Variants in CYFIP2 observed in about 807,000 individuals in gnomAD.
CYFIP2 encodes the protein cytoplasmic FMR1-interacting protein 2.
CYFIP2 carries 29 observed loss-of-function variants against 158.7 expected under a neutral mutation model. That is an observed-to-expected ratio of 0.18 (90% CI 0.14 to 0.25). The LOEUF is 0.25. Among genes scored for constraint, CYFIP2 ranks in the 10% least tolerant of loss-of-function variants. CYFIP2 has a pLI of 1.00. For synonymous variants in CYFIP2, 585 were observed against 617.6 expected (o/e 0.95, Z 0.78); for missense variants, 852 against 1,639.5 (o/e 0.52, Z 8.29).
At chr5:157,321,204 A>G (rs1760565500) in intron 15 of CYFIP2, among the ~76,000 whole-genome samples, 1 of 152,212 alleles carries the variant, frequency 6.6e-6, no homozygotes, top group African/African-American at 2.4e-5. Context: ...CCCCTCTTTA[A>G]TAAGTCCTGG....
At chr5:157,343,706 G>A (rs1027891529) in intron 23 of CYFIP2, among the ~76,000 whole-genome samples, 2 of 152,070 alleles carry the variant, frequency 1.3e-5, no homozygotes, top group African/African-American at 2.4e-5. Flanking sequence ...TAGGCATAGC[G>A]AAAAAGTGGC....
chr5:157,269,824 T>C (rs781572713), intron 1 of CYFIP2, among the ~76,000 whole-genome samples: 15 of 152,260 alleles, frequency 9.9e-5, no homozygotes, highest in South Asian at 2.1e-4. Flanking sequence ...TGGCCTTGTC[T>C]GTACAAAGAC....
In CYFIP2 at chr5:157,325,818, T is replaced by G. The variant is rs561758785; in HGVS notation, c.1982+180T>G. On this transcript the variant is annotated intron_variant, in intron 17 of 30. Coordinates refer to ENST00000620254, the MANE Select transcript of CYFIP2 (RefSeq NM_001037333.3). Reference sequence around the variant, plus strand: ...TTAATTCAGCCTTGCAGATAAATTCTGAAGTTTCCCAGCCCAACTGCCCTT... The same window carrying G: ...TTAATTCAGCCTTGCAGATAAATTCGGAAGTTTCCCAGCCCAACTGCCCTT... The G allele has an allele frequency of 1.1e-4, 78 of 700,480 alleles. No individual in the cohort carries two copies. In the African/African-American group the frequency reaches 1.4e-3, roughly 13 times the overall value. The allele number at this position is 700,480 out of a possible 1,614,324, so 43.4% of individuals were successfully genotyped here. A position where few individuals can be genotyped will look rare whatever the true frequency, so the allele number is the denominator to read the frequency against.
chr5:157,383,508 C>G, intron 28 of CYFIP2, 149 bp downstream of exon 28: 1 of 637,426 alleles, frequency 1.6e-6, no homozygotes, highest in Non-Finnish European at 2.7e-6. Context: ...ATATTAATAG[C>G]AACAGCAGGT....
intron 29 of CYFIP2, among the ~76,000 whole-genome samples, chr5:157,390,217 A>G (rs1011002405): frequency 1.3e-4 from 19 of 151,440 alleles, no homozygotes; most frequent in Non-Finnish European, 2.5e-4. Context: ...AGCCACATAC[A>G]TCTCAACAGC....
intron 21 of CYFIP2, among the ~76,000 whole-genome samples, chr5:157,336,817 T>C (rs1394428763): frequency 6.6e-6 from 1 of 152,250 alleles, no homozygotes; most frequent in Non-Finnish European, 1.5e-5. Flanking sequence ...TTTGGTGCGT[T>C]GAGCCCTGCA....
chr5:157,267,771 C>T (rs992580389), intron 1 of CYFIP2, among the ~76,000 whole-genome samples: 2 of 152,234 alleles, frequency 1.3e-5, no homozygotes, highest in Non-Finnish European at 2.9e-5. Flanking sequence ...GAAATATTTG[C>T]TATCACTAAT....
At position 157,383,497 on chromosome 5, in the gene CYFIP2, A is replaced by C. The variant is rs1214107705; in HGVS notation, c.3207+138A>C. On this transcript the variant is annotated intron_variant, in intron 28 of 30. Coordinates refer to ENST00000620254, the MANE Select transcript of CYFIP2 (RefSeq NM_001037333.3). ...AATGTCCAATACCCAAAAACTGGTT[A>C]ATATTAATAGCAACAGCAGGTCTGG... 1.0e-5 allele frequency: 7 copies of C among 702,788 alleles called. No homozygotes were observed. The Admixed American group carries it at 1.6e-4, about 16-fold the overall frequency. 43.5% of individuals were successfully genotyped at this position (702,788 alleles called of 1,614,324 possible).
Position 157,311,776 on chromosome 5 carries a change from A to T in CYFIP2, c.1105A>T (p.Ser369Cys). The T allele has an allele frequency of 1.3e-6, 2 of 1,593,158 alleles. No individual in the cohort carries two copies. The highest frequency in any genetic ancestry group is 1.7e-6 in the Non-Finnish European group (2 of 1,170,068). The change falls in exon 11 of 31, where the codon AGT (serine) becomes TGT (cysteine). Residue 369 changes from serine (S) to cysteine (C), a missense_variant. Ser to Cys is a moderately radical substitution (Grantham distance 112, BLOSUM62 -1). Transcript: ENST00000620254. This position sits in a 1 kb window ranked among gnomAD's most constrained non-coding sequence, Gnocchi z 4.7. ...CTCCGAGCTCGCTCGCTACAGCAACAGTGAGGTGAGCATGCAGGCTGCTGG... is the reference window on the plus strand; with the variant it reads ...CTCCGAGCTCGCTCGCTACAGCAACTGTGAGGTGAGCATGCAGGCTGCTGG... ...FISELARYSNSEVVTGSGLDS... is the reference protein window; with the variant it reads ...FISELARYSNCEVVTGSGLDS...
intron 28 of CYFIP2, among the ~76,000 whole-genome samples, chr5:157,388,019 G>A (rs1766872213): frequency 6.6e-6 from 1 of 152,164 alleles, no homozygotes; most frequent in South Asian, 2.1e-4. Context: ...TCCGGGGTAG[G>A]TCAGGCAGGT....
At chr5:157,275,264 T>C (rs1183175249) in intron 1 of CYFIP2, among the ~76,000 whole-genome samples, 2 of 152,246 alleles carry the variant, frequency 1.3e-5, no homozygotes, top group Non-Finnish European at 2.9e-5. Context: ...AAAGATGTAC[T>C]CTTATGAGTT....
At chr5:157,328,668 G>A (rs745399991) in intron 19 of CYFIP2, among the ~76,000 whole-genome samples, 5 of 152,206 alleles carry the variant, frequency 3.3e-5, no homozygotes, top group African/African-American at 9.7e-5. Flanking sequence ...TGTTTCTCCC[G>A]GGAGTGGAAT....
intron 11 of CYFIP2, 130 bp from the exon 12 acceptor site, chr5:157,314,214 G>C (rs1554111594): frequency 1.6e-6 from 2 of 1,227,246 alleles, no homozygotes; most frequent in Non-Finnish European, 2.2e-6. Context: ...GCACTTGTCT[G>C]AGCCTCAGTT....
In CYFIP2 at chr5:157,341,083, G is replaced by C. The variant is rs371766099; in HGVS notation, c.2599G>C (p.Ala867Pro). 107 of 1,613,820 alleles carry C rather than the reference G, an allele frequency of 6.6e-5. No homozygotes were observed. Among genetic ancestry groups the C allele is most frequent in the Non-Finnish European group, 8.1e-5 (96 of 1,179,852 alleles). The change falls in exon 23 of 31, where the codon GCC becomes CCC. Residue 867 changes from alanine (A) to proline (P), a missense_variant. By Grantham distance (27) the Ala-to-Pro change is conservative. This residue lies in a region of CYFIP2 where 191 missense variants were observed against 311.2 expected (regional missense o/e 0.61). Transcript: ENST00000620254. ...TGCTTCTACTAGTTTTGTGCGGACT[G>C]CCATTCCTTTCACCCAAGAACCACA... Reference protein sequence around the residue: ...NGSTNRFVRTAIPFTQEPQRD... With the variant: ...NGSTNRFVRTPIPFTQEPQRD...
At chr5:157,322,873 TCTCTCTCC>T in intron 15 of CYFIP2, 4 of 1,413,900 alleles carry the variant, frequency 2.8e-6, no homozygotes, top group Non-Finnish European at 3.9e-6. Flanking sequence ...TCTCTCTTTC[TCTCTCTCC>T]CTCTTCCCTG....
At chr5:157,287,453 G>C (rs1037809263) in intron 3 of CYFIP2, among the ~76,000 whole-genome samples, 1 of 152,148 alleles carries the variant, frequency 6.6e-6, no homozygotes, top group Non-Finnish European at 1.5e-5. Context: ...TTTGTCTCTT[G>C]AGCAGAGCAA....
chr5:157,300,428 G>A lies in CYFIP2; in HGVS notation c.388-287G>A, dbSNP rs571627047. On this transcript the variant is annotated intron_variant, in intron 5 of 30. Coordinates refer to ENST00000620254, the MANE Select transcript of CYFIP2 (RefSeq NM_001037333.3). Reference sequence around the variant, plus strand: ...CACACACCTGTAATCCCAGCTACTCGGGAGGCTGAGGCAGGAGAATTGCTT... The same window carrying A: ...CACACACCTGTAATCCCAGCTACTCAGGAGGCTGAGGCAGGAGAATTGCTT... Among the ~76,000 whole-genome samples, 36 of 151,986 alleles carry A rather than the reference G, an allele frequency of 2.4e-4. No homozygotes were observed. The South Asian group carries it at 6.8e-3, about 29-fold the overall frequency.
intron 1 of CYFIP2, among the ~76,000 whole-genome samples, chr5:157,269,760 A>T (rs1025860670): frequency 6.6e-6 from 1 of 152,220 alleles, no homozygotes; most frequent in African/African-American, 2.4e-5. Flanking sequence ...CTGTTGAGCC[A>T]ATGGGAAGCT....
intron 3 of CYFIP2, 88 bp downstream of exon 3, chr5:157,287,196 T>C: frequency 9.9e-7 from 1 of 1,009,818 alleles, no homozygotes; most frequent in Non-Finnish European, 1.5e-6. Context: ...AGGCATGTGC[T>C]CAGCTACTCT....
Sources: allele counts gnomAD v4.1 joint callset (sites outside exome capture counted in the v4.1 genomes callset), GRCh38; gene constraint gnomAD v4.1.1; regional missense constraint gnomAD v4.1.1; non-coding constraint Gnocchi (gnomAD v3.1); transcripts MANE v1.5; gene names NCBI Gene and HGNC (gene_info 2026-07-23, HGNC 2026-07-21).